The following TXNRD3 variants were observed in gnomAD, a reference collection of about 807,000 sequenced individuals.
TXNRD3 encodes the protein thioredoxin reductase 3.
TXNRD3 carries 68 observed loss-of-function variants against 78.2 expected under a neutral mutation model. The ratio of observed to expected loss-of-function variants is 0.87; its 90% CI spans 0.72 to 1.06. TXNRD3 has a LOEUF of 1.06. Ranked by LOEUF, TXNRD3 falls within the 50% of genes least tolerant of loss-of-function variation. TXNRD3 has a pLI of 0.00. For synonymous variants in TXNRD3, 296 were observed against 300.1 expected, an observed-to-expected ratio of 0.99 and a Z score of 0.14; for missense variants, 751 against 809.5, an observed-to-expected ratio of 0.93 and a Z score of 0.88.
chr3:126,636,994 T>C (rs1459999463), intron 6 of TXNRD3, among the ~76,000 whole-genome samples: 8 of 152,024 alleles, frequency 5.3e-5, no homozygotes. Context: ...CAATTCTTCT[T>C]CCAATGTGGC....
Position 126,644,108 on chromosome 3 carries a change from A to T in TXNRD3, c.520-55T>A, listed in dbSNP as rs1157599906. 5 of 1,507,922 alleles carry T rather than the reference A, an allele frequency of 3.3e-6. No individual in the cohort carries two copies. The East Asian group carries it at 1.2e-4, about 37-fold the overall frequency. The allele number at this position is 1,507,922 out of a possible 1,614,324, so 93.4% of individuals were successfully genotyped here. ...ATAAAGATCTTGTCACTTTCCTGAC[A>T]CTCCCTCAATCTTTGTCTTCCGTAA... On this transcript the variant is annotated intron_variant, in intron 4 of 15. Transcript: ENST00000524230.
intron 9 of TXNRD3, 118 bp from the exon 10 acceptor site, chr3:126,629,589 A>G: frequency 1.5e-6 from 1 of 686,884 alleles, no homozygotes; most frequent in Non-Finnish European, 2.3e-6. Flanking sequence ...TACATATAAT[A>G]GGTGTTAGTA....
intron 14 of TXNRD3, among the ~76,000 whole-genome samples, chr3:126,609,698 C>A (rs1938147977): frequency 6.6e-6 from 1 of 152,074 alleles, no homozygotes; most frequent in Non-Finnish European, 1.5e-5. Context: ...GGGATCTGGG[C>A]GGGAGCCAGA....
intron 10 of TXNRD3, among the ~76,000 whole-genome samples, chr3:126,628,854 C>G (rs750522244): frequency 1.3e-5 from 2 of 151,926 alleles, no homozygotes; most frequent in South Asian, 2.1e-4. Flanking sequence ...TCTTTCTCTA[C>G]GCTGCATTTT....
chr3:126,623,851 C>CAAAAAAAAAA (rs758992893), intron 10 of TXNRD3, among the ~76,000 whole-genome samples: 8 of 89,762 alleles, frequency 8.9e-5, no homozygotes, highest in Admixed American at 1.2e-4. Flanking sequence ...TGAAACAAGG[C>CAAAAAAAAAA]CAAAAAAAAA....
chr3:126,615,476 A>T lies in TXNRD3; in HGVS notation c.1525-14T>A. On this transcript the variant is annotated splice_polypyrimidine_tract_variant and intron_variant, in intron 12 of 15. Coordinates refer to ENST00000524230, the MANE Select transcript of TXNRD3 (RefSeq NM_052883.3). ...AATATAATCACACTGAAAGACAAAC[A>T]AATTACATTGTCTTATTTTGTGAAA... is the stretch of plus-strand genomic sequence containing the variant. The T allele has an allele frequency of 7.6e-7, 1 of 1,311,460 alleles. No homozygotes were observed. Among genetic ancestry groups the T allele is most frequent in the Non-Finnish European group, 1.0e-6 (1 of 969,532 alleles). 81.2% of individuals were successfully genotyped at this position (1,311,460 alleles called of 1,614,324 possible). A position where few individuals can be genotyped will look rare whatever the true frequency, so the allele number is the denominator to read the frequency against.
At chr3:126,644,257 T>G in intron 4 of TXNRD3, 40 bp downstream of exon 4, 1 of 1,490,730 alleles carries the variant, frequency 6.7e-7, no homozygotes, top group Non-Finnish European at 9.0e-7. Context: ...ATGGCAGTCA[T>G]CAGGAAAATT....
chr3:126,652,209 A>G (rs1933408196), intron 1 of TXNRD3, among the ~76,000 whole-genome samples: 1 of 152,160 alleles, frequency 6.6e-6, no homozygotes, highest in Non-Finnish European at 1.5e-5. Flanking sequence ...AGCACTTCAC[A>G]TGGCCAGGGC....
rs561842571 is a variant in TXNRD3, at chr3:126,641,507, C to CT, written c.712+524_712+525insA. 7.9e-5 allele frequency among the ~76,000 whole-genome samples: 12 copies of CT among 152,290 alleles called. No homozygotes were observed. In the South Asian group the frequency reaches 2.3e-3, roughly 29 times the overall value. On this transcript the variant is annotated intron_variant, in intron 6 of 15. Coordinates refer to ENST00000524230, the MANE Select transcript of TXNRD3 (RefSeq NM_052883.3). The stretch of plus-strand genomic sequence containing the variant: ...CTCAAGGCTACATGGAGCCAATACT[C>CT]AAAGCAGCATGGCTAATTTGAGTGC...
chr3:126,628,548 A>G (rs1938633096), intron 10 of TXNRD3, among the ~76,000 whole-genome samples: 2 of 152,226 alleles, frequency 1.3e-5, no homozygotes, highest in South Asian at 4.1e-4. Flanking sequence ...AGATAGTGAC[A>G]TTTTCAAAAA....
At chr3:126,648,832 A>G (rs977617895) in intron 1 of TXNRD3, among the ~76,000 whole-genome samples, 4 of 152,208 alleles carry the variant, frequency 2.6e-5, no homozygotes, top group African/African-American at 9.6e-5. Flanking sequence ...AACAAAAGAA[A>G]CAACAGACAA....
At position 126,615,461 on chromosome 3, in the gene TXNRD3, C is replaced by T. The variant is rs1176647982; in HGVS notation, c.1526G>A (p.Cys509Tyr). The stretch of plus-strand genomic sequence containing the variant: ...TGTAGTCGGAACATTAATATAATCA[C>T]ACTGAAAGACAAACAAATTACATTG... The change falls in exon 13 of 16, where the codon TGT (cysteine) becomes TAT (tyrosine). Residue 509 changes from cysteine (C) to tyrosine (Y), a missense_variant and splice_region_variant. By Grantham distance (194) the Cys-to-Tyr change is radical (BLOSUM62 -2). Transcript: ENST00000524230. 7.0e-7 allele frequency: 1 copy of T among 1,436,254 alleles called. No homozygotes were observed. Among genetic ancestry groups the T allele is most frequent in the Admixed American group, 2.6e-5 (1 of 38,668 alleles). The allele number at this position is 1,436,254 out of a possible 1,614,324, so 89.0% of individuals were successfully genotyped here.
intron 8 of TXNRD3, 124 bp from the exon 9 acceptor site, chr3:126,631,061 C>T (rs1025820404): frequency 1.0e-6 from 1 of 990,024 alleles, no homozygotes; most frequent in Non-Finnish European, 1.4e-6. Flanking sequence ...GAAGCAACAG[C>T]CTTTTGAAAT....
Position 126,640,386 on chromosome 3 carries a change from C to T in TXNRD3, c.712+1646G>A, listed in dbSNP as rs1157771935. ...CCTCCCAAAGTGCTGGGATTACAGGCGTGAGCCACCGCGCCCGGCCGCTGC... is the reference window on the plus strand; with the variant it reads ...CCTCCCAAAGTGCTGGGATTACAGGTGTGAGCCACCGCGCCCGGCCGCTGC... On this transcript the variant is annotated intron_variant, in intron 6 of 15. Coordinates refer to ENST00000524230, the MANE Select transcript of TXNRD3 (RefSeq NM_052883.3). 4.8e-5 allele frequency among the ~76,000 whole-genome samples: 7 copies of T among 145,726 alleles called. 3 individuals carry two copies. Among genetic ancestry groups the T allele is most frequent in the African/African-American group, 1.8e-4 (7 of 39,888 alleles).
intron 6 of TXNRD3, among the ~76,000 whole-genome samples, chr3:126,634,769 A>G (rs191308591): frequency 6.6e-6 from 1 of 152,156 alleles, no homozygotes; most frequent in Admixed American, 6.5e-5. Flanking sequence ...CAGGGCTTTC[A>G]TCATAACTGG....
At position 126,630,810 on chromosome 3, in the gene TXNRD3, T is replaced by C. The variant is rs1938693498; in HGVS notation, c.1099A>G (p.Ile367Val). Residue 367 changes from isoleucine (I) to valine (V), a missense_variant, in exon 9 of 16, where the codon ATC becomes GTC. Transcript: ENST00000524230. Reference sequence around the variant, plus strand: ...TCTTGGTCGAAGCCACGGAGAAGGATTGAGCGTACCATAACTGTGACATCT... The same window carrying C: ...TCTTGGTCGAAGCCACGGAGAAGGACTGAGCGTACCATAACTGTGACATCT... 1 of 1,535,466 alleles carries C rather than the reference T, an allele frequency of 6.5e-7. No homozygotes were observed. Among genetic ancestry groups the C allele is most frequent in the Non-Finnish European group, 8.7e-7 (1 of 1,146,880 alleles).
At chr3:126,622,424 G>T in intron 11 of TXNRD3, 40 bp downstream of exon 11, 1 of 1,406,408 alleles carries the variant, frequency 7.1e-7, no homozygotes, top group Non-Finnish European at 9.5e-7. Context: ...GAAACCTGTT[G>T]CTTTGTGCAG....
Position 126,607,945 on chromosome 3 carries a change from G to A in TXNRD3, c.1892C>T (p.Ser631Leu), listed in dbSNP as rs1200944501. 55 of 1,505,632 alleles carry A rather than the reference G, an allele frequency of 3.7e-5. No individual in the cohort carries two copies. In the Middle Eastern group the frequency reaches 5.1e-4, roughly 14 times the overall value. The allele number at this position is 1,505,632 out of a possible 1,614,324, so 93.3% of individuals were successfully genotyped here. The stretch of plus-strand genomic sequence containing the variant: ...TTTCTGAGTGATGTCTAGTCCTGAC[G>A]ACTTTGTGATTTCCAAAGTCGTGAA... The change falls in exon 16 of 16, where the codon TCG (serine) becomes TTG (leucine). Residue 631 changes from serine to leucine, a missense_variant. Transcript: ENST00000524230.
intron 7 of TXNRD3, among the ~76,000 whole-genome samples, chr3:126,632,659 CA>C (rs71615915): frequency 0.085 from 5,045 of 59,246 alleles, 77 homozygotes; most frequent in African/African-American, 0.13. Context: ...GACTCTGTCT[CA>C]AAAAAAAAAA....
Sources: allele counts gnomAD v4.1 joint callset (sites outside exome capture counted in the v4.1 genomes callset), GRCh38; gene constraint gnomAD v4.1.1; transcripts MANE v1.5; gene names NCBI Gene and HGNC (gene_info 2026-07-23, HGNC 2026-07-21).